The following ADAM12 variants were observed in gnomAD, a reference collection of about 807,000 sequenced individuals.
ADAM12 encodes ADAM metallopeptidase domain 12, also known as disintegrin and metalloproteinase domain-containing protein 12.
In ADAM12, 70 loss-of-function variants were observed where a neutral mutation model predicts 106.4. That is an observed-to-expected ratio of 0.66 (90% CI 0.54 to 0.80). The LOEUF (loss-of-function observed/expected upper bound fraction) is 0.80. Among genes scored for constraint, ADAM12 ranks in the 30% least tolerant of loss-of-function variants. The pLI, the probability that ADAM12 is intolerant of heterozygous loss-of-function variation, is 0.00. For missense variants in ADAM12, 1,010 were observed against 1,171.9 expected, an observed-to-expected ratio of 0.86 and a Z score of 2.02; for synonymous variants, 420 against 433.5, an observed-to-expected ratio of 0.97 and a Z score of 0.39.
At chr10:126,320,831 A>T (rs1854068554) in intron 2 of ADAM12, among the ~76,000 whole-genome samples, 1 of 152,214 alleles carries the variant, frequency 6.6e-6, no homozygotes, top group African/African-American at 2.4e-5. Context: ...ATATTGTCAC[A>T]AATGAACTAC....
chr10:126,025,624 C>A (rs560604149), intron 21 of ADAM12, among the ~76,000 whole-genome samples: 4 of 152,110 alleles, frequency 2.6e-5, no homozygotes, highest in Non-Finnish European at 5.9e-5. Context: ...AGCAGCCTTA[C>A]GGAAGAGTGG....
chr10:126,191,474 C>A (rs761041414), intron 3 of ADAM12, among the ~76,000 whole-genome samples: 1 of 151,770 alleles, frequency 6.6e-6, no homozygotes, highest in Non-Finnish European at 1.5e-5. Context: ...ACTGGTTCAG[C>A]GCAGGGTCAC....
At chr10:126,368,002 CAT>C (rs1490423264) in intron 1 of ADAM12, among the ~76,000 whole-genome samples, 3 of 151,774 alleles carry the variant, frequency 2.0e-5, no homozygotes, top group African/African-American at 7.2e-5. Context: ...TAAAAACAGA[CAT>C]AAAATCCTTA....
At chr10:126,377,878 A>G (rs904136874) in intron 1 of ADAM12, among the ~76,000 whole-genome samples, 1 of 152,264 alleles carries the variant, frequency 6.6e-6, no homozygotes, top group Non-Finnish European at 1.5e-5. Flanking sequence ...AGAAATAAAA[A>G]TTAAATTCCA....
At chr10:126,051,588 T>G (rs1710282) in intron 14 of ADAM12, among the ~76,000 whole-genome samples, 78,018 of 121,960 alleles carry the variant, frequency 0.64, 26,044 homozygotes, top group East Asian at 0.91. Flanking sequence ...CATCCATCCA[T>G]CCAGCCAGCC....
At chr10:126,191,341 T>C (rs1347001617) in intron 3 of ADAM12, among the ~76,000 whole-genome samples, 1 of 151,996 alleles carries the variant, frequency 6.6e-6, no homozygotes. Context: ...CATTGTTTAG[T>C]TTATGCGTTA....
Position 126,365,417 on chromosome 10 carries a change from G to C in ADAM12, c.88+22641C>G, listed in dbSNP as rs1387917280. Among the ~76,000 whole-genome samples the C allele has an allele frequency of 5.3e-5, 8 of 152,168 alleles. No individual in the cohort carries two copies. The East Asian group carries it at 1.3e-3, about 26-fold the overall frequency. On this transcript the variant is annotated intron_variant, in intron 1 of 22. Transcript: ENST00000448723. ...TAGCTAGGAATGAAGAAGCTTCAGA[G>C]AAACAGGCCAGGAAGAACATAAAGG...
chr10:126,266,142 C>T (rs2133722259), intron 3 of ADAM12, among the ~76,000 whole-genome samples: 1 of 152,268 alleles, frequency 6.6e-6, no homozygotes, highest in African/African-American at 2.4e-5. Context: ...GTAGCCAGGC[C>T]AGCCAAACAG....
chr10:126,086,262 G>A (rs1051838144), intron 11 of ADAM12, among the ~76,000 whole-genome samples: 3 of 152,058 alleles, frequency 2.0e-5, no homozygotes, highest in African/African-American at 4.8e-5. Flanking sequence ...TGTGTTCACG[G>A]CCACTTCCAT....
At chr10:126,142,475 G>A (rs907853135) in intron 4 of ADAM12, among the ~76,000 whole-genome samples, 1 of 152,220 alleles carries the variant, frequency 6.6e-6, no homozygotes, top group Non-Finnish European at 1.5e-5. Flanking sequence ...ATTGTTTGTG[G>A]TTTAAGAACA....
At position 126,348,989 on chromosome 10, in the gene ADAM12, G is replaced by T. The variant is rs919338709; in HGVS notation, c.89-18480C>A. On this transcript the variant is annotated intron_variant, in intron 1 of 22. Coordinates refer to ENST00000448723, the MANE Select transcript of ADAM12 (RefSeq NM_001288973.2). ...GCTTCCTTGAATGGTTTACAGGCCC[G>T]CAAAGCCAATACGTTTCAATAGATT... Among the ~76,000 whole-genome samples, 4 of 152,264 alleles carry T rather than the reference G, an allele frequency of 2.6e-5. No individual in the cohort carries two copies. The South Asian group carries it at 8.3e-4, about 32-fold the overall frequency.
chr10:126,185,842 C>G (rs1351865992), intron 3 of ADAM12, among the ~76,000 whole-genome samples: 21 of 152,184 alleles, frequency 1.4e-4, no homozygotes. Flanking sequence ...GCACATTCTC[C>G]TGGCCCCAGT....
At chr10:126,069,262 G>A (rs539576494) in intron 12 of ADAM12, among the ~76,000 whole-genome samples, 1 of 152,178 alleles carries the variant, frequency 6.6e-6, no homozygotes, top group South Asian at 2.1e-4. Context: ...ATAACTACTT[G>A]AAACTATTTT....
At position 126,103,287 on chromosome 10, in the gene ADAM12, T is replaced by C. The variant is rs546828985; in HGVS notation, c.742-2046A>G. On this transcript the variant is annotated intron_variant, in intron 8 of 22. Coordinates refer to ENST00000448723, the MANE Select transcript of ADAM12 (RefSeq NM_001288973.2). ...GCCATTGTTTGACTGTCATTTATGC[T>C]AAACTCACATCAAGTCATCATACAT... is the stretch of plus-strand genomic sequence containing the variant. 7.2e-5 allele frequency among the ~76,000 whole-genome samples: 11 copies of C among 152,328 alleles called. No individual in the cohort carries two copies. The South Asian group carries it at 2.3e-3, about 32-fold the overall frequency.
intron 2 of ADAM12, among the ~76,000 whole-genome samples, chr10:126,295,057 G>A (rs1960309128): frequency 6.6e-6 from 1 of 152,008 alleles, no homozygotes; most frequent in Non-Finnish European, 1.5e-5. Context: ...TTTTACAAAT[G>A]GAAAATCCAG....
At chr10:126,048,804 C>G (rs1233634396) in intron 16 of ADAM12, among the ~76,000 whole-genome samples, 1 of 152,016 alleles carries the variant, frequency 6.6e-6, no homozygotes, top group African/African-American at 2.4e-5. Flanking sequence ...AAGGACTCCC[C>G]TCTGGTTTTG....
intron 1 of ADAM12, among the ~76,000 whole-genome samples, chr10:126,335,622 T>C (rs984438585): frequency 6.6e-6 from 1 of 152,226 alleles, no homozygotes; most frequent in Non-Finnish European, 1.5e-5. Flanking sequence ...ATGATGTAGT[T>C]CTTTCATTTT....
At chr10:126,050,082 G>A (rs1418487149) in intron 14 of ADAM12, among the ~76,000 whole-genome samples, 2 of 152,192 alleles carry the variant, frequency 1.3e-5, no homozygotes, top group East Asian at 1.9e-4. Context: ...ACACAATTCC[G>A]GTGAGGAAAT....
rs548573957 is a variant in ADAM12 at position 126,133,081 on chromosome 10, T to A, written c.416+2503A>T. On this transcript the variant is annotated intron_variant, in intron 5 of 22. Transcript: ENST00000448723. The stretch of plus-strand genomic sequence containing the variant: ...CCAAATCTCTTCCAGAATATTCCTC[T>A]TACCTCCTTCCCCTAGCTGAATCCT... Among the ~76,000 whole-genome samples, 5 of 152,228 alleles carry A rather than the reference T, an allele frequency of 3.3e-5. No homozygotes were observed. The South Asian group carries it at 1.0e-3, about 32-fold the overall frequency.
Sources: gnomAD v4.1 joint callset for allele counts (sites outside exome capture counted in the v4.1 genomes callset) on GRCh38, gnomAD v4.1.1 for gene constraint, MANE v1.5 for transcripts, NCBI Gene and HGNC (gene_info 2026-07-23, HGNC 2026-07-21) for gene names.